The following ZNF407 variants were observed in gnomAD, a reference collection of about 807,000 sequenced individuals.
ZNF407 encodes zinc finger protein 407.
In ZNF407, 17 loss-of-function variants were observed where a neutral mutation model predicts 131.2. The ratio of observed to expected loss-of-function variants is 0.13; its 90% CI spans 0.09 to 0.19. The LOEUF is 0.19. Ranked by LOEUF, ZNF407 falls within the 10% of genes least tolerant of loss-of-function variation. ZNF407 has a pLI of 1.00. For synonymous variants in ZNF407, 1,156 were observed against 1,062.0 expected (o/e 1.09, Z -1.72); for missense variants, 2,681 against 2,830.6 (o/e 0.95, Z 1.20).
intron 8 of ZNF407, among the ~76,000 whole-genome samples, chr18:75,009,286 A>G (rs1972947011): frequency 6.6e-6 from 1 of 152,144 alleles, no homozygotes; most frequent in African/African-American, 2.4e-5. Flanking sequence ...AAAGCTATTG[A>G]CTTTTGTCTA....
At chr18:74,767,164 G>A (rs921902937) in intron 3 of ZNF407, among the ~76,000 whole-genome samples, 2 of 152,080 alleles carry the variant, frequency 1.3e-5, no homozygotes, top group East Asian at 1.9e-4. Context: ...CACCTGCGTC[G>A]GCCTCCCAAA....
intron 8 of ZNF407, among the ~76,000 whole-genome samples, chr18:74,947,139 A>G (rs1972162178): frequency 6.6e-6 from 1 of 152,334 alleles, no homozygotes; most frequent in African/African-American, 2.4e-5. Context: ...TCACCAAGAA[A>G]TTACCCTATT....
chr18:74,989,343 G>T (rs1972690807), intron 8 of ZNF407, among the ~76,000 whole-genome samples: 1 of 152,164 alleles, frequency 6.6e-6, no homozygotes, highest in African/African-American at 2.4e-5. Context: ...TGGTGTCCAG[G>T]ATATGTACAT....
intron 4 of ZNF407, among the ~76,000 whole-genome samples, chr18:74,805,062 C>T (rs762899041): frequency 6.6e-6 from 1 of 152,172 alleles, no homozygotes; most frequent in Non-Finnish European, 1.5e-5. Flanking sequence ...CAACAGTTTA[C>T]TTTAAAAAAT....
rs1157845940 is a variant in ZNF407, at chr18:74,635,229, G to A, written c.4210G>A (p.Glu1404Lys). The A allele has an allele frequency of 6.2e-7, 1 of 1,613,982 alleles. No homozygotes were observed. Among genetic ancestry groups the A allele is most frequent in the Non-Finnish European group, 8.5e-7 (1 of 1,179,880 alleles). Reference sequence around the variant, plus strand: ...TCAAGGTGTGAAAAAGAAGAAATCTGAGGGCAGTTCCATTGGTGAGTCTAC... The same window carrying A: ...TCAAGGTGTGAAAAAGAAGAAATCTAAGGGCAGTTCCATTGGTGAGTCTAC... ...CAQGVKKKKS[E>K]GSSIGESTRI... Residue 1404 changes from glutamate to lysine, a missense_variant, in exon 2 of 9, where the codon GAG (glutamate) becomes AAG (lysine). Transcript: ENST00000299687. The surrounding 1 kb of genome is among the most constrained non-coding windows in gnomAD (Gnocchi z 4.7).
Position 74,683,163 on chromosome 18 carries a change from T to A in ZNF407, c.4802+42041T>A, listed in dbSNP as rs142736780. Reference sequence around the variant, plus strand: ...AGCATATAACAAATCACTGGAAATGTGAGTCATCAGCAAAAGGCTTTATAA... The same window carrying A: ...AGCATATAACAAATCACTGGAAATGAGAGTCATCAGCAAAAGGCTTTATAA... On this transcript the variant is annotated intron_variant, in intron 3 of 8. Transcript: ENST00000299687. Among the ~76,000 whole-genome samples, 467 of 152,274 alleles carry A rather than the reference T, an allele frequency of 3.1e-3. 4 individuals carry two copies. The highest frequency in any genetic ancestry group is 0.014 in the Middle Eastern group (4 of 294).
chr18:75,064,058 G>A lies in ZNF407; in HGVS notation c.6337G>A (p.Val2113Ile), dbSNP rs776089881. 57 of 1,591,880 alleles carry A rather than the reference G, an allele frequency of 3.6e-5. No individual in the cohort carries two copies. The highest frequency in any genetic ancestry group is 1.6e-4 in the East Asian group (7 of 43,460). Residue 2113 changes from valine (V) to isoleucine (I), a missense_variant, in exon 9 of 9, where the codon GTC (valine) becomes ATC (isoleucine). Around this residue, in one of 6 missense-constraint regions of ZNF407, gnomAD observed 620 missense variants for 583.1 expected, o/e 1.06. Coordinates refer to ENST00000299687, the MANE Select transcript of ZNF407 (RefSeq NM_017757.3). ...GGTGGTGGTGAGCGAAGAGGGTGCC[G>A]TCCACATGGTCGCCGGGGAGGGTGC... ...TQVVVSEEGAVHMVAGEGAQI... is the reference protein window; with the variant it reads ...TQVVVSEEGAIHMVAGEGAQI...
In ZNF407 at chr18:75,064,032, AGGT is replaced by A. The variant is rs1312566752; in HGVS notation, c.6319_6321del (p.Val2107del). On this transcript the variant is annotated inframe_deletion, in exon 9 of 9. Transcript: ENST00000299687. Reference sequence around the variant, plus strand: ...CAGTTGGTCAAGGACGGTGTCACCCAGGTGGTGGTGAGCGAAGAGGGTGCCGTC... The same window carrying A: ...CAGTTGGTCAAGGACGGTGTCACCCAGGTGGTGAGCGAAGAGGGTGCCGTC... 2 of 1,603,856 alleles carry A rather than the reference AGGT, an allele frequency of 1.2e-6. No individual in the cohort carries two copies. The highest frequency in any genetic ancestry group is 1.7e-6 in the Non-Finnish European group (2 of 1,175,690).
At chr18:74,694,073 C>T (rs1967294294) in intron 3 of ZNF407, among the ~76,000 whole-genome samples, 1 of 152,114 alleles carries the variant, frequency 6.6e-6, no homozygotes, top group Non-Finnish European at 1.5e-5. Flanking sequence ...GTTTGAATCT[C>T]TAGTAGTTAT....
intron 4 of ZNF407, among the ~76,000 whole-genome samples, chr18:74,820,077 A>C (rs991746723): frequency 6.6e-6 from 1 of 152,228 alleles, no homozygotes; most frequent in Non-Finnish European, 1.5e-5. Context: ...GATAATGAAG[A>C]CAGTGGCTTA....
intron 4 of ZNF407, among the ~76,000 whole-genome samples, chr18:74,822,906 A>G (rs1970360518): frequency 6.6e-6 from 1 of 152,186 alleles, no homozygotes; most frequent in African/African-American, 2.4e-5. Flanking sequence ...TAAGCATAGA[A>G]TATTTTTCCA....
chr18:74,789,688 G>A (rs563414989), intron 4 of ZNF407, among the ~76,000 whole-genome samples: 2 of 152,166 alleles, frequency 1.3e-5, no homozygotes, highest in East Asian at 1.9e-4. Flanking sequence ...TGTGGCATTC[G>A]TCCTGGAACT....
intron 7 of ZNF407, among the ~76,000 whole-genome samples, chr18:74,901,488 GTTTTGTTACATTA>G (rs1272798395): frequency 6.6e-6 from 1 of 152,166 alleles, no homozygotes; most frequent in Non-Finnish European, 1.5e-5. Context: ...CGGTGACAAT[GTTTTGTTACATTA>G]TGAGGAAGCT....
chr18:75,047,581 T>C (rs139130090), intron 8 of ZNF407, among the ~76,000 whole-genome samples: 1,797 of 152,376 alleles, frequency 0.012, 30 homozygotes, highest in African/African-American at 0.036. Context: ...CCTACTGTAC[T>C]TCCTGGAATT....
At chr18:74,846,629 C>T (rs1355970014) in intron 4 of ZNF407, among the ~76,000 whole-genome samples, 2 of 151,692 alleles carry the variant, frequency 1.3e-5, no homozygotes, top group Non-Finnish European at 2.9e-5. Flanking sequence ...GAGCCACTGC[C>T]TTTTAAGGCA....
At chr18:74,767,193 T>C (rs910150781) in intron 3 of ZNF407, among the ~76,000 whole-genome samples, 3 of 152,198 alleles carry the variant, frequency 2.0e-5, no homozygotes, top group African/African-American at 4.8e-5. Context: ...ACTACAGGTG[T>C]GAGCTACCGT....
At chr18:74,750,844 C>T (rs914216054) in intron 3 of ZNF407, among the ~76,000 whole-genome samples, 1 of 152,076 alleles carries the variant, frequency 6.6e-6, no homozygotes, top group Admixed American at 6.6e-5. Flanking sequence ...CTCAACAAGA[C>T]TTGTTGTTTG....
intron 8 of ZNF407, among the ~76,000 whole-genome samples, chr18:75,050,015 TG>T (rs1451896495): frequency 6.6e-6 from 1 of 152,212 alleles, no homozygotes; most frequent in Non-Finnish European, 1.5e-5. Context: ...TACTACCGAC[TG>T]CAGGACTTTA....
intron 3 of ZNF407, among the ~76,000 whole-genome samples, chr18:74,729,143 T>C (rs1193113913): frequency 1.3e-5 from 2 of 152,196 alleles, no homozygotes; most frequent in Non-Finnish European, 2.9e-5. Context: ...ACCCAGTGCG[T>C]ACTTTAGACA....
Sources: allele counts gnomAD v4.1 joint callset (sites outside exome capture counted in the v4.1 genomes callset), GRCh38; gene constraint gnomAD v4.1.1; regional missense constraint gnomAD v4.1.1; non-coding constraint Gnocchi (gnomAD v3.1); transcripts MANE v1.5; gene names NCBI Gene and HGNC (gene_info 2026-07-23, HGNC 2026-07-21).